OSGIN2: variants seen among roughly 807,000 people sequenced by gnomAD.
The protein encoded by OSGIN2 is oxidative stress induced growth inhibitor family member 2.
In OSGIN2, 19 loss-of-function variants were observed where a neutral mutation model predicts 53.8. The ratio of observed to expected loss-of-function variants is 0.35; its 90% CI spans 0.25 to 0.52. The LOEUF (loss-of-function observed/expected upper bound fraction) is 0.52. Among genes scored for constraint, OSGIN2 ranks in the 20% least tolerant of loss-of-function variants. The probability of loss-of-function intolerance (pLI) is 0.95; values close to 1 mark genes in which losing one functional copy is unlikely to be tolerated. For missense variants in OSGIN2, 520 were observed against 662.7 expected (o/e 0.78, Z 2.36); for synonymous variants, 236 against 236.0 (o/e 1.00, Z 0.00).
At chr8:89,915,003 T>C (rs1452667284) in intron 4 of OSGIN2, among the ~76,000 whole-genome samples, 1 of 152,250 alleles carries the variant, frequency 6.6e-6, no homozygotes, top group Non-Finnish European at 1.5e-5. Flanking sequence ...AGAAAACATT[T>C]CAAGAATGTT....
chr8:89,901,944 A>T (rs1167747218), upstream of OSGIN2: 1 of 152,368 alleles, frequency 6.6e-6, no homozygotes, highest in Admixed American at 6.5e-5. Flanking sequence ...TTTGAGAGAC[A>T]TGAAGAGGGG....
intron 1 of OSGIN2, among the ~76,000 whole-genome samples, chr8:89,906,460 G>A (rs1444884516): frequency 1.3e-5 from 2 of 148,898 alleles, no homozygotes; most frequent in African/African-American, 2.6e-5. Flanking sequence ...GCCCCAGTGT[G>A]TGTTGTTCCC....
chr8:89,912,287 A>G (rs767930452), intron 2 of OSGIN2, among the ~76,000 whole-genome samples: 4 of 152,256 alleles, frequency 2.6e-5, no homozygotes, highest in Non-Finnish European at 5.9e-5. Context: ...CATATAGGAA[A>G]GCAATATCAG....
At chr8:89,914,805 A>G in intron 4 of OSGIN2, 59 bp downstream of exon 4, 1 of 1,173,332 alleles carries the variant, frequency 8.5e-7, no homozygotes, top group East Asian at 2.4e-5. Context: ...GATAAGACCA[A>G]CTTTATTCTT....
At chr8:89,917,353 G>C (rs1221605554) in intron 4 of OSGIN2, among the ~76,000 whole-genome samples, 1 of 152,104 alleles carries the variant, frequency 6.6e-6, no homozygotes, top group East Asian at 1.9e-4. Flanking sequence ...GATAATCTTT[G>C]AACACAGAGC....
chr8:89,921,886 G>A (rs1809211789), intron 5 of OSGIN2, among the ~76,000 whole-genome samples: 1 of 152,086 alleles, frequency 6.6e-6, no homozygotes, highest in African/African-American at 2.4e-5. Context: ...GGCTAAGGCA[G>A]GAGAATTGCT....
intron 4 of OSGIN2, among the ~76,000 whole-genome samples, chr8:89,918,524 A>G (rs749704674): frequency 7.9e-5 from 12 of 152,154 alleles, no homozygotes; most frequent in Non-Finnish European, 1.5e-4. Flanking sequence ...TCTTTTCTTC[A>G]TACTCTTCAT....
intron 1 of OSGIN2, among the ~76,000 whole-genome samples, chr8:89,904,326 T>C (rs963427531): frequency 6.6e-6 from 1 of 152,224 alleles, no homozygotes; most frequent in Non-Finnish European, 1.5e-5. Flanking sequence ...GTAGGATTCA[T>C]ATTCTTTTGA....
chr8:89,919,141 C>CT (rs1809145743), intron 4 of OSGIN2, among the ~76,000 whole-genome samples: 1 of 152,188 alleles, frequency 6.6e-6, no homozygotes, highest in South Asian at 2.1e-4. Context: ...TCATATTCCT[C>CT]TTTTTATCTC....
chr8:89,921,547 T>G (rs1809204854), intron 5 of OSGIN2, among the ~76,000 whole-genome samples: 1 of 152,230 alleles, frequency 6.6e-6, no homozygotes, highest in Non-Finnish European at 1.5e-5. Flanking sequence ...ATACCTAAAC[T>G]CTGCATACCT....
At chr8:89,920,899 G>C (rs1013797287) in intron 4 of OSGIN2, among the ~76,000 whole-genome samples, 181 bp from the exon 5 acceptor site, 2 of 152,146 alleles carry the variant, frequency 1.3e-5, no homozygotes, top group Non-Finnish European at 2.9e-5. Flanking sequence ...GAAGGTATAT[G>C]AAAGTTTATT....
chr8:89,903,470 G>T (rs1441443872), intron 1 of OSGIN2, among the ~76,000 whole-genome samples: 1 of 152,224 alleles, frequency 6.6e-6, no homozygotes, highest in East Asian at 1.9e-4. Context: ...CCAGACACTA[G>T]AAACTGATTT....
chr8:89,914,689 A>C lies in OSGIN2; in HGVS notation c.471A>C (p.Gln157His). 1 of 1,614,100 alleles carries C rather than the reference A, an allele frequency of 6.2e-7. No individual in the cohort carries two copies. The highest frequency in any genetic ancestry group is 1.1e-5 in the South Asian group (1 of 91,082). Residue 157 changes from glutamine (Q) to histidine (H), a missense_variant, in exon 4 of 6, where the codon CAA becomes CAC. By Grantham distance (24) the Gln-to-His change is conservative. Around this residue, in one of 3 missense-constraint regions of OSGIN2, gnomAD observed 203 missense variants for 275.3 expected, o/e 0.74. Transcript: ENST00000451899. ...CCGTTTTGCATTGGAAATTAGAGCA[A>C]CATCATTATATCCCTCACGTAGTTC... ...YPSVLHWKLE[Q>H]HHYIPHVVLG...
chr8:89,924,441 G>GT (rs1809271380), intron 5 of OSGIN2, 62 bp from the exon 6 acceptor site: 4 of 1,219,726 alleles, frequency 3.3e-6, no homozygotes, highest in Non-Finnish European at 4.6e-6. Context: ...AGGTAGATAA[G>GT]TAATAATCAT....
At chr8:89,922,633 C>T (rs1481556867) in intron 5 of OSGIN2, among the ~76,000 whole-genome samples, 4 of 152,032 alleles carry the variant, frequency 2.6e-5, no homozygotes, top group East Asian at 1.9e-4. Context: ...GTTTGAGTTC[C>T]GACTTATGAC....
chr8:89,911,674 C>T (rs1313687251), intron 2 of OSGIN2, among the ~76,000 whole-genome samples: 1 of 149,518 alleles, frequency 6.7e-6, no homozygotes, highest in Non-Finnish European at 1.5e-5. Flanking sequence ...GTAGCTCACA[C>T]CTGTAATCCC....
Position 89,909,674 on chromosome 8 carries a change from C to G in OSGIN2, c.152C>G (p.Thr51Ser). 6.2e-7 allele frequency: 1 copy of G among 1,609,832 alleles called. No individual in the cohort carries two copies. Among genetic ancestry groups the G allele is most frequent in the Non-Finnish European group, 8.5e-7 (1 of 1,177,296 alleles). The part of the protein sequence containing the change: ...KVKAMPLVEE[T>S]SLLEDSSVTF... ...AAAGCGATGCCATTAGTTGAAGAAA[C>G]TTCTTTACTGGAAGATTCGTCAGTG... Residue 51 changes from threonine (T) to serine (S), a missense_variant, in exon 2 of 6, where the codon ACT (threonine) becomes AGT (serine). Coordinates refer to ENST00000451899, the MANE Select transcript of OSGIN2 (RefSeq NM_001126111.3).
At chr8:89,909,858 C>A in intron 2 of OSGIN2, 137 bp downstream of exon 2, 1 of 502,248 alleles carries the variant, frequency 2.0e-6, no homozygotes, top group Non-Finnish European at 3.3e-6. Flanking sequence ...AAACTAATAA[C>A]CAAATCTTTG....
Position 89,909,626 on chromosome 8 carries a change from G to A in OSGIN2, c.104G>A (p.Gly35Asp), listed in dbSNP as rs1353846978. 5 of 1,609,102 alleles carry A rather than the reference G, an allele frequency of 3.1e-6. No individual in the cohort carries two copies. The highest frequency in any genetic ancestry group is 1.3e-5 in the African/African-American group (1 of 74,644). ...TTTAATTCCTTAGTGCAATACTTTG[G>A]TGACAACTTGGGGCGAAAAGTTAAA... ...EIFNSLVQYF[G>D]DNLGRKVKAM... Residue 35 changes from glycine to aspartate, a missense_variant, in exon 2 of 6, where the codon GGT (glycine) becomes GAT (aspartate). Transcript: ENST00000451899.
Sources: allele counts gnomAD v4.1 joint callset (sites outside exome capture counted in the v4.1 genomes callset), GRCh38; gene constraint gnomAD v4.1.1; regional missense constraint gnomAD v4.1.1; transcripts MANE v1.5; gene names NCBI Gene and HGNC (gene_info 2026-07-23, HGNC 2026-07-21).